The following AP1S3 variants were observed in gnomAD, a reference collection of about 807,000 sequenced individuals.
AP1S3 encodes the protein AP-1 complex subunit sigma-3.
A neutral mutation model predicts 20.9 loss-of-function variants in AP1S3; 10 were observed. That is an observed-to-expected ratio of 0.48 (90% CI 0.29 to 0.81). AP1S3 has a LOEUF of 0.81. Ranked by LOEUF, AP1S3 falls within the 30% of genes least tolerant of loss-of-function variation. The pLI is 0.08. For missense variants in AP1S3, 154 were observed against 183.8 expected, an observed-to-expected ratio of 0.84 and a Z score of 0.94; for synonymous variants, 41 against 61.5, an observed-to-expected ratio of 0.67 and a Z score of 1.56.
intron 3 of AP1S3, among the ~76,000 whole-genome samples, chr2:223,773,726 G>A (rs1015290966): frequency 1.1e-5 from 1 of 88,418 alleles, no homozygotes; most frequent in Non-Finnish European, 2.1e-5. Flanking sequence ...CCATTAAAGA[G>A]AATAACAACA....
intron 1 of AP1S3, among the ~76,000 whole-genome samples, chr2:223,808,024 G>C (rs1691629051): frequency 1.3e-5 from 2 of 151,318 alleles, no homozygotes; most frequent in Non-Finnish European, 2.9e-5. Flanking sequence ...TCAGTAGCTG[G>C]GACTCCAGGC....
At position 223,774,742 on chromosome 2, in the gene AP1S3, T is replaced by C. The variant is rs909150263; in HGVS notation, c.291+1159A>G. Reference sequence around the variant, plus strand: ...GACAGAGGCAGATTCTGGTAAAGCATAGGAAAAGACAAAACAAGCTGCGTC... The same window carrying C: ...GACAGAGGCAGATTCTGGTAAAGCACAGGAAAAGACAAAACAAGCTGCGTC... On this transcript the variant is annotated intron_variant, in intron 3 of 4. Coordinates refer to ENST00000396654, the MANE Select transcript of AP1S3 (RefSeq NM_001039569.2). 8.5e-5 allele frequency among the ~76,000 whole-genome samples: 13 copies of C among 152,112 alleles called. No homozygotes were observed. In the South Asian group the frequency reaches 1.2e-3, roughly 15 times the overall value.
At chr2:223,769,541 T>C (rs1690558970) in intron 3 of AP1S3, among the ~76,000 whole-genome samples, 1 of 152,140 alleles carries the variant, frequency 6.6e-6, no homozygotes, top group Admixed American at 6.6e-5. Flanking sequence ...TTGTAATATT[T>C]GTCTTAGAAA....
chr2:223,809,790 G>A (rs1364868652), intron 1 of AP1S3, among the ~76,000 whole-genome samples: 3 of 149,364 alleles, frequency 2.0e-5, no homozygotes, highest in Non-Finnish European at 4.4e-5. Flanking sequence ...ATGCAGTGGC[G>A]CGATCTCAGT....
intron 1 of AP1S3, among the ~76,000 whole-genome samples, chr2:223,812,502 G>A (rs1307774184): frequency 6.6e-6 from 1 of 152,188 alleles, no homozygotes; most frequent in East Asian, 1.9e-4. Context: ...GATTACAGGT[G>A]TGAGCCACCG....
chr2:223,831,034 T>G (rs754405738), intron 1 of AP1S3, among the ~76,000 whole-genome samples: 1 of 152,230 alleles, frequency 6.6e-6, no homozygotes, highest in Non-Finnish European at 1.5e-5. Context: ...TTTTTTTTTC[T>G]TTTTAATAGA....
intron 1 of AP1S3, among the ~76,000 whole-genome samples, chr2:223,786,932 T>C (rs1166597886): frequency 6.6e-6 from 1 of 151,874 alleles, no homozygotes; most frequent in African/African-American, 2.4e-5. Context: ...AGAAGTGATA[T>C]GGTTTGGATC....
rs1427787760 is a variant in AP1S3 at position 223,826,478 on chromosome 2, A to G, written c.3+10970T>C. Among the ~76,000 whole-genome samples, 5 of 152,286 alleles carry G rather than the reference A, an allele frequency of 3.3e-5. No homozygotes were observed. In the South Asian group the frequency reaches 6.2e-4, roughly 19 times the overall value. ...CATAGTGGTGTGCGCCCGTAATCCC[A>G]GCTAATTGAGAGGCTGAGGCATGAG... is the stretch of plus-strand genomic sequence containing the variant. On this transcript the variant is annotated intron_variant, in intron 1 of 4. Coordinates refer to ENST00000396654, the MANE Select transcript of AP1S3 (RefSeq NM_001039569.2).
chr2:223,773,477 TA>T, intron 3 of AP1S3: 1 of 1,018,010 alleles, frequency 9.8e-7, no homozygotes, highest in Non-Finnish European at 1.3e-6. Flanking sequence ...AAAATGAAAA[TA>T]AACTTGGTAT....
chr2:223,776,156 C>T (rs776192186), intron 2 of AP1S3, 147 bp from the exon 3 acceptor site: 2 of 713,384 alleles, frequency 2.8e-6, no homozygotes, highest in Non-Finnish European at 5.2e-6. Context: ...CCCCAATAGC[C>T]TCCTGAAATA....
At chr2:223,788,991 A>G (rs964277729) in intron 1 of AP1S3, among the ~76,000 whole-genome samples, 3 of 152,132 alleles carry the variant, frequency 2.0e-5, no homozygotes, top group Non-Finnish European at 4.4e-5. Flanking sequence ...GGTACTAACA[A>G]TGAAGCCTCC....
intron 3 of AP1S3, among the ~76,000 whole-genome samples, chr2:223,766,225 T>G (rs1574686206): frequency 6.6e-6 from 1 of 152,216 alleles, no homozygotes. Flanking sequence ...TGCATAAATG[T>G]CTTCTTTTGA....
At position 223,803,495 on chromosome 2, in the gene AP1S3, C is replaced by G. The variant is rs183339390; in HGVS notation, c.4-25626G>C. Among the ~76,000 whole-genome samples, 3 of 152,170 alleles carry G rather than the reference C, an allele frequency of 2.0e-5. 1 individual carries two copies. Among genetic ancestry groups the G allele is most frequent in the Non-Finnish European group, 4.4e-5 (3 of 68,020 alleles). On this transcript the variant is annotated intron_variant, in intron 1 of 4. Coordinates refer to ENST00000396654, the MANE Select transcript of AP1S3 (RefSeq NM_001039569.2). ...ATGGTGGTAAAGGTGATGTACTCAACGAAAATTGTTCTTAAAAGTCCCAGG... is the reference window on the plus strand; with the variant it reads ...ATGGTGGTAAAGGTGATGTACTCAAGGAAAATTGTTCTTAAAAGTCCCAGG...
chr2:223,758,644 A>G lies in AP1S3; in HGVS notation c.*71T>C. The G allele has an allele frequency of 6.7e-7, 1 of 1,488,280 alleles. No individual in the cohort carries two copies. The highest frequency in any genetic ancestry group is 8.9e-7 in the Non-Finnish European group (1 of 1,118,000). The allele number at this position is 1,488,280 out of a possible 1,614,324, so 92.2% of individuals were successfully genotyped here. On this transcript the variant is annotated 3_prime_UTR_variant, in exon 5 of 5. Transcript: ENST00000396654. Reference sequence around the variant, plus strand: ...ATGGTGCCTGAGGCTCCATCAAAAAACCGGATGGGAGGCGTTGCTTATTTA... The same window carrying G: ...ATGGTGCCTGAGGCTCCATCAAAAAGCCGGATGGGAGGCGTTGCTTATTTA...
At chr2:223,824,796 A>G (rs1276835653) in intron 1 of AP1S3, among the ~76,000 whole-genome samples, 1 of 152,162 alleles carries the variant, frequency 6.6e-6, no homozygotes, top group African/African-American at 2.4e-5. Flanking sequence ...CGGCCTCCCA[A>G]AGTGCTGGGA....
chr2:223,789,382 A>G lies in AP1S3; in HGVS notation c.4-11513T>C, dbSNP rs528332251. ...CAATAAACTGGACCCCCCCCAAAAA[A>G]ATAGATGTAAGCTGGGCGCAGTGGA... On this transcript the variant is annotated intron_variant, in intron 1 of 4. Coordinates refer to ENST00000396654, the MANE Select transcript of AP1S3 (RefSeq NM_001039569.2). 3.3e-5 allele frequency among the ~76,000 whole-genome samples: 5 copies of G among 152,224 alleles called. No homozygotes were observed. The South Asian group carries it at 1.0e-3, about 32-fold the overall frequency.
chr2:223,789,400 G>A (rs116403155), intron 1 of AP1S3, among the ~76,000 whole-genome samples: 2,453 of 152,200 alleles, frequency 0.016, 71 homozygotes, highest in African/African-American at 0.056. Flanking sequence ...TAAGCTGGGC[G>A]CAGTGGAATG....
intron 1 of AP1S3, among the ~76,000 whole-genome samples, chr2:223,833,179 G>A (rs979817699): frequency 2.7e-5 from 3 of 112,514 alleles, no homozygotes; most frequent in African/African-American, 9.9e-5. Context: ...TTTATTAAAA[G>A]TACCCCCAAA....
At chr2:223,768,027 G>A (rs1040139741) in intron 3 of AP1S3, among the ~76,000 whole-genome samples, 1 of 152,126 alleles carries the variant, frequency 6.6e-6, no homozygotes, top group Admixed American at 6.5e-5. Context: ...GGTTGTGCCT[G>A]CTCAGGGCCA....
Sources: gnomAD v4.1 joint callset for allele counts (sites outside exome capture counted in the v4.1 genomes callset) on GRCh38, gnomAD v4.1.1 for gene constraint, MANE v1.5 for transcripts, NCBI Gene and HGNC (gene_info 2026-07-23, HGNC 2026-07-21) for gene names.